The following TRABD2B variants were observed in gnomAD, a reference collection of about 807,000 sequenced individuals.
The protein encoded by TRABD2B is TraB domain containing 2B, also known as metalloprotease TIKI2.
In TRABD2B, 14 loss-of-function variants were observed where a neutral mutation model predicts 40.1. That is an observed-to-expected ratio of 0.35 (90% CI 0.23 to 0.55). The LOEUF is 0.55. Among genes scored for constraint, TRABD2B ranks in the 20% least tolerant of loss-of-function variants. The pLI is 0.90. For synonymous variants in TRABD2B, 263 were observed against 277.0 expected, an observed-to-expected ratio of 0.95 and a Z score of 0.50; for missense variants, 541 against 648.6, an observed-to-expected ratio of 0.83 and a Z score of 1.80.
chr1:47,953,614 T>C (rs1157010260), intron 2 of TRABD2B, among the ~76,000 whole-genome samples: 1 of 152,192 alleles, frequency 6.6e-6, no homozygotes, highest in African/African-American at 2.4e-5. Flanking sequence ...TCTGAGACCT[T>C]GAGCTAGTCA....
rs1286721016 is a variant in TRABD2B at position 47,832,486 on chromosome 1, A to G, written c.667-30867T>C. On this transcript the variant is annotated intron_variant, in intron 2 of 6. Transcript: ENST00000606738. ...GGGGATGATTTAAATGCATGGGACT[A>G]GCAGGGGCTTAGCAAATATTTGTTA... 3.3e-5 allele frequency among the ~76,000 whole-genome samples: 5 copies of G among 152,216 alleles called. No homozygotes were observed. In the East Asian group the frequency reaches 7.7e-4, roughly 23 times the overall value.
At chr1:47,925,484 CA>C (rs1397510365) in intron 2 of TRABD2B, among the ~76,000 whole-genome samples, 5 of 152,210 alleles carry the variant, frequency 3.3e-5, no homozygotes, top group Admixed American at 1.3e-4. Context: ...ATAGCAACAG[CA>C]AGTAACATTT....
chr1:47,871,164 G>A (rs1244928615), intron 2 of TRABD2B, among the ~76,000 whole-genome samples: 1 of 152,144 alleles, frequency 6.6e-6, no homozygotes, highest in East Asian at 1.9e-4. Context: ...GGAAACTGAG[G>A]CACAGTCACT....
intron 2 of TRABD2B, among the ~76,000 whole-genome samples, chr1:47,822,450 C>G (rs1645123915): frequency 6.6e-6 from 1 of 152,086 alleles, no homozygotes; most frequent in Admixed American, 6.6e-5. Context: ...TTCCCTGTCA[C>G]AGGGGTGATG....
chr1:47,802,162 C>T (rs1644832340), intron 2 of TRABD2B, among the ~76,000 whole-genome samples: 1 of 152,184 alleles, frequency 6.6e-6, no homozygotes, highest in South Asian at 2.1e-4. Flanking sequence ...CATGCATGTC[C>T]TCAAGCTCCT....
chr1:47,996,316 G>C lies in TRABD2B; in HGVS notation c.102+372C>G. Among the ~76,000 whole-genome samples, 1 of 152,100 alleles carries C rather than the reference G, an allele frequency of 6.6e-6. No homozygotes were observed. The highest frequency in any genetic ancestry group is 1.5e-5 in the Non-Finnish European group (1 of 68,018). On this transcript the variant is annotated intron_variant, in intron 1 of 6. Coordinates refer to ENST00000606738, the MANE Select transcript of TRABD2B (RefSeq NM_001194986.2). The surrounding 1 kb of genome is among the most constrained non-coding windows in gnomAD (Gnocchi z 4.6). ...TCGATGGAAGTCAAGAGAAGGGCAA[G>C]GAACGGTAGAAAAACACAGTCAGAA... is the stretch of plus-strand genomic sequence containing the variant.
At chr1:47,965,915 C>T (rs990190931) in intron 2 of TRABD2B, among the ~76,000 whole-genome samples, 4 of 152,098 alleles carry the variant, frequency 2.6e-5, no homozygotes, top group African/African-American at 2.4e-5. Flanking sequence ...CCCTCTATCC[C>T]GTCAAGAAGA....
At chr1:47,820,101 T>A (rs1182290379) in intron 2 of TRABD2B, 1 of 152,216 alleles carries the variant, frequency 6.6e-6, no homozygotes, top group Non-Finnish European at 1.5e-5. Context: ...ACTTATCATG[T>A]TTATTGTTTA....
At chr1:47,835,672 A>C (rs765239988) in intron 2 of TRABD2B, among the ~76,000 whole-genome samples, 1 of 152,238 alleles carries the variant, frequency 6.6e-6, no homozygotes, top group African/African-American at 2.4e-5. Context: ...CAGCAAAACT[A>C]TCTCTCAATA....
chr1:47,915,670 G>A (rs1644821010), intron 2 of TRABD2B, among the ~76,000 whole-genome samples: 1 of 152,176 alleles, frequency 6.6e-6, no homozygotes, highest in Non-Finnish European at 1.5e-5. Context: ...GAGATGGTGA[G>A]GTAGGAACAA....
chr1:47,947,755 A>T (rs1167015545), intron 2 of TRABD2B, among the ~76,000 whole-genome samples: 2 of 152,236 alleles, frequency 1.3e-5, no homozygotes, highest in Non-Finnish European at 2.9e-5. Flanking sequence ...ATGCACTAAC[A>T]CAGGAATAGC....
intron 2 of TRABD2B, among the ~76,000 whole-genome samples, chr1:47,844,213 T>A (rs1172840707): frequency 6.6e-6 from 1 of 152,166 alleles, no homozygotes; most frequent in South Asian, 2.1e-4. Context: ...AGCCTCTGAG[T>A]GCAAGCTAAG....
At chr1:47,929,657 G>C (rs1260295265) in intron 2 of TRABD2B, among the ~76,000 whole-genome samples, 1 of 152,154 alleles carries the variant, frequency 6.6e-6, no homozygotes. Context: ...CACTCCCAGG[G>C]GTCGGCCTTC....
At position 47,873,849 on chromosome 1, in the gene TRABD2B, A is replaced by G. The variant is rs530966820; in HGVS notation, c.667-72230T>C. Reference sequence around the variant, plus strand: ...AACACCAAGAGTCGGTTTGGGAGTCATTCTGACACTATATAAAGTAGGTGT... The same window carrying G: ...AACACCAAGAGTCGGTTTGGGAGTCGTTCTGACACTATATAAAGTAGGTGT... On this transcript the variant is annotated intron_variant, in intron 2 of 6. Transcript: ENST00000606738. 2.6e-5 allele frequency among the ~76,000 whole-genome samples: 4 copies of G among 152,346 alleles called. No individual in the cohort carries two copies. In the East Asian group the frequency reaches 7.7e-4, roughly 29 times the overall value.
intron 2 of TRABD2B, among the ~76,000 whole-genome samples, chr1:47,856,195 G>C (rs773303193): frequency 6.6e-6 from 1 of 152,228 alleles, no homozygotes; most frequent in Non-Finnish European, 1.5e-5. Flanking sequence ...AGCGGGGTCT[G>C]CGGGCAGGAC....
chr1:47,970,288 C>A (rs1376829034), intron 2 of TRABD2B, among the ~76,000 whole-genome samples: 1 of 151,910 alleles, frequency 6.6e-6, no homozygotes, highest in African/African-American at 2.4e-5. Flanking sequence ...TTCAAAAGGT[C>A]TTTTGACTTT....
At chr1:47,938,763 T>C (rs549889172) in intron 2 of TRABD2B, among the ~76,000 whole-genome samples, 1 of 152,262 alleles carries the variant, frequency 6.6e-6, no homozygotes, top group East Asian at 1.9e-4. Flanking sequence ...TTGAGACCTG[T>C]GGGGTGAAGA....
chr1:47,995,095 A>C (rs930891313), intron 1 of TRABD2B, among the ~76,000 whole-genome samples: 7 of 152,184 alleles, frequency 4.6e-5, no homozygotes, highest in Non-Finnish European at 1.0e-4. Flanking sequence ...CTGCTCTGGC[A>C]AGAAGGGAGG....
At chr1:47,876,785 T>C (rs534189410) in intron 2 of TRABD2B, among the ~76,000 whole-genome samples, 75 of 152,312 alleles carry the variant, frequency 4.9e-4, no homozygotes, top group African/African-American at 1.8e-3. Flanking sequence ...CATGTCTCTG[T>C]TTACTCTTTA....
Sources: gnomAD v4.1 joint callset for allele counts (sites outside exome capture counted in the v4.1 genomes callset) on GRCh38, gnomAD v4.1.1 for gene constraint, Gnocchi (gnomAD v3.1) non-coding constraint, MANE v1.5 for transcripts, NCBI Gene and HGNC (gene_info 2026-07-23, HGNC 2026-07-21) for gene names.